The following ST7 variants were observed in gnomAD, a reference collection of about 807,000 sequenced individuals.
The protein encoded by ST7 is suppressor of tumorigenicity 7 protein.
Under a neutral mutation model 78.7 loss-of-function variants are expected in ST7, and 28 were observed. That is an observed-to-expected ratio of 0.36 (90% CI 0.26 to 0.49). ST7 has a LOEUF of 0.49. ST7 is among the 20% of genes least tolerant of loss of function. The pLI, the probability that ST7 is intolerant of heterozygous loss-of-function variation, is 0.99. For missense variants in ST7, 418 were observed against 696.0 expected, an observed-to-expected ratio of 0.60 and a Z score of 4.49; for synonymous variants, 247 against 249.6, an observed-to-expected ratio of 0.99 and a Z score of 0.10.
chr7:117,084,172 T>G (rs1041264264), intron 1 of ST7, among the ~76,000 whole-genome samples: 28 of 152,226 alleles, frequency 1.8e-4, no homozygotes, highest in African/African-American at 6.3e-4. Context: ...TAGGTATTAG[T>G]TTCTTCATCT....
intron 12 of ST7, among the ~76,000 whole-genome samples, chr7:117,209,111 G>A (rs1792066239): frequency 6.6e-6 from 1 of 152,142 alleles, no homozygotes. Flanking sequence ...ATCCATTCTT[G>A]CCCTGTACTC....
chr7:117,175,362 G>T (rs1808274210), intron 10 of ST7, among the ~76,000 whole-genome samples: 1 of 152,232 alleles, frequency 6.6e-6, no homozygotes, highest in Admixed American at 6.5e-5. Context: ...AAGTCCCAAA[G>T]ATTAGGGTGG....
intron 5 of ST7, 95 bp downstream of exon 5, chr7:117,130,701 A>G (rs539893448): frequency 2.3e-5 from 18 of 766,206 alleles, no homozygotes; most frequent in South Asian, 3.7e-5. Context: ...TAAAACTCCA[A>G]TGAATAAAAT....
chr7:116,987,848 C>T (rs1794252882), intron 1 of ST7, among the ~76,000 whole-genome samples: 1 of 152,184 alleles, frequency 6.6e-6, no homozygotes, highest in Non-Finnish European at 1.5e-5. Context: ...CTCAGCCTCC[C>T]GAGTAGCTGG....
At chr7:117,007,124 T>G (rs1693572268) in intron 1 of ST7, among the ~76,000 whole-genome samples, 2 of 152,202 alleles carry the variant, frequency 1.3e-5, no homozygotes, top group African/African-American at 2.4e-5. Context: ...TAGAAATGAT[T>G]AAGCTTAATG....
chr7:117,030,856 A>G (rs1344483946), intron 1 of ST7, among the ~76,000 whole-genome samples: 2 of 152,190 alleles, frequency 1.3e-5, no homozygotes, highest in Non-Finnish European at 2.9e-5. Context: ...AAAGGAATAC[A>G]AGTAATTCTA....
At chr7:117,077,479 A>G (rs1799433424) in intron 1 of ST7, among the ~76,000 whole-genome samples, 1 of 152,200 alleles carries the variant, frequency 6.6e-6, no homozygotes, top group Non-Finnish European at 1.5e-5. Flanking sequence ...AGTATAACAT[A>G]TACATCTATG....
chr7:117,194,160 G>C (rs1245208675), intron 12 of ST7, among the ~76,000 whole-genome samples: 1 of 152,184 alleles, frequency 6.6e-6, no homozygotes, highest in Non-Finnish European at 1.5e-5. Flanking sequence ...CAGCAAACTA[G>C]TAAAGAGGAA....
chr7:117,178,661 A>G (rs1222368887), intron 10 of ST7, among the ~76,000 whole-genome samples: 1 of 152,238 alleles, frequency 6.6e-6, no homozygotes, highest in Non-Finnish European at 1.5e-5. Flanking sequence ...TAAGAATAGT[A>G]ATGATCCTTT....
At chr7:117,125,427 A>G (rs1584731356) in intron 3 of ST7, among the ~76,000 whole-genome samples, 2 of 152,248 alleles carry the variant, frequency 1.3e-5, no homozygotes, top group African/African-American at 2.4e-5. Flanking sequence ...TTGTTATTTC[A>G]TAAAGAATTT....
intron 1 of ST7, among the ~76,000 whole-genome samples, chr7:117,079,653 A>G (rs967799571): frequency 8.5e-5 from 13 of 152,170 alleles, no homozygotes; most frequent in African/African-American, 3.1e-4. Context: ...GCTTTAGAAA[A>G]TAGCCTGTAT....
At chr7:117,050,981 T>G (rs1797763569) in intron 1 of ST7, among the ~76,000 whole-genome samples, 1 of 152,096 alleles carries the variant, frequency 6.6e-6, no homozygotes, top group African/African-American at 2.4e-5. Context: ...CGGTTTGAGT[T>G]TTTCAAATTT....
At chr7:117,101,689 T>A (rs1483532159) in intron 2 of ST7, among the ~76,000 whole-genome samples, 1 of 152,230 alleles carries the variant, frequency 6.6e-6, no homozygotes, top group Non-Finnish European at 1.5e-5. Flanking sequence ...ACTGTCAGTG[T>A]TCTCCATACT....
intron 9 of ST7, among the ~76,000 whole-genome samples, chr7:117,165,892 A>C (rs898994645): frequency 6.6e-6 from 1 of 152,200 alleles, no homozygotes; most frequent in Non-Finnish European, 1.5e-5. Flanking sequence ...AAGCTGTTCT[A>C]TGCCAGATGC....
At chr7:116,968,818 G>A (rs1793272583) in intron 1 of ST7, among the ~76,000 whole-genome samples, 1 of 152,166 alleles carries the variant, frequency 6.6e-6, no homozygotes, top group Non-Finnish European at 1.5e-5. Flanking sequence ...CAGGCTGCTT[G>A]GAGAATATGA....
intron 1 of ST7, among the ~76,000 whole-genome samples, chr7:116,963,675 T>C (rs1200845382): frequency 6.8e-6 from 1 of 147,806 alleles, no homozygotes; most frequent in Non-Finnish European, 1.5e-5. Flanking sequence ...TCTGTAGGAG[T>C]GCACTGGAGT....
chr7:117,223,198 C>T, intron 15 of ST7: 1 of 565,684 alleles, frequency 1.8e-6, no homozygotes. Context: ...TCTTCTTTCC[C>T]TCCTTTTCCC....
chr7:117,194,876 C>A (rs540083644), intron 12 of ST7, among the ~76,000 whole-genome samples: 1 of 152,158 alleles, frequency 6.6e-6, no homozygotes, highest in Non-Finnish European at 1.5e-5. Context: ...GGTTAACCAG[C>A]GCTTATGTGC....
chr7:117,045,278 C>A (rs554450881), intron 1 of ST7, among the ~76,000 whole-genome samples: 1 of 152,198 alleles, frequency 6.6e-6, no homozygotes, highest in South Asian at 2.1e-4. Context: ...TTTTCCATCA[C>A]CCTCAGAATT....
Sources: gnomAD v4.1 joint callset for allele counts (sites outside exome capture counted in the v4.1 genomes callset) on GRCh38, gnomAD v4.1.1 for gene constraint, MANE v1.5 for transcripts, NCBI Gene and HGNC (gene_info 2026-07-23, HGNC 2026-07-21) for gene names.